Variants in TGFBRAP1 observed in about 807,000 individuals in gnomAD.
TGFBRAP1 encodes transforming growth factor beta receptor associated protein 1, also known as transforming growth factor-beta receptor-associated protein 1.
Under a neutral mutation model 83.2 loss-of-function variants are expected in TGFBRAP1, and 20 were observed. The ratio of observed to expected loss-of-function variants is 0.24; its 90% CI spans 0.17 to 0.35. The LOEUF is 0.35. Among genes scored for constraint, TGFBRAP1 ranks in the 10% least tolerant of loss-of-function variants. TGFBRAP1 has a pLI of 1.00. For synonymous variants in TGFBRAP1, 415 were observed against 459.8 expected (o/e 0.90, Z 1.25); for missense variants, 950 against 1,099.4 (o/e 0.86, Z 1.92).
chr2:105,318,013 C>T (rs1678940079), intron 1 of TGFBRAP1, among the ~76,000 whole-genome samples: 1 of 152,156 alleles, frequency 6.6e-6, no homozygotes, highest in Non-Finnish European at 1.5e-5. Context: ...AATGAGGAGG[C>T]TCCACCATGC....
At chr2:105,302,202 T>C (rs1035078198) in intron 2 of TGFBRAP1, among the ~76,000 whole-genome samples, 4 of 152,234 alleles carry the variant, frequency 2.6e-5, no homozygotes, top group Non-Finnish European at 5.9e-5. Context: ...CAACATCCTC[T>C]GTTGGCAAAG....
Position 105,280,531 on chromosome 2 carries a change from T to A in TGFBRAP1, c.1314A>T (p.Thr438=). 1 of 1,614,208 alleles carries A rather than the reference T, an allele frequency of 6.2e-7. No homozygotes were observed. Among genetic ancestry groups the A allele is most frequent in the African/African-American group, 1.3e-5 (1 of 75,064 alleles). ...CCTCCTTGTAGCCATTTGCTACCTC[T>A]GTGCTGCGGACCTCGTTCAGGTAGC... The part of the protein sequence containing the change: ...LMSYLNEVRS[T]EVANGYKEDI... The change falls in exon 6 of 12, where the codon ACA becomes ACT. Residue 438 remains threonine (T), a synonymous_variant. Transcript: ENST00000393359.
chr2:105,320,852 G>A (rs927149738), intron 1 of TGFBRAP1, among the ~76,000 whole-genome samples: 1 of 152,152 alleles, frequency 6.6e-6, no homozygotes, highest in Non-Finnish European at 1.5e-5. Flanking sequence ...CTTTCCAAAG[G>A]ATTAACACTA....
chr2:105,307,631 G>T lies in TGFBRAP1; in HGVS notation c.671C>A (p.Ala224Glu), dbSNP rs770251473. ...CTCCTCACCCAGCCCTCCGGGGCCC[G>T]CCAGCAGGAACTCCTGTCTCCCTAT... ...KRIGRQEFLLAGPGGLGMFAT... is the reference protein window; with the variant it reads ...KRIGRQEFLLEGPGGLGMFAT... The change falls in exon 2 of 12, where the codon GCG (alanine) becomes GAG (glutamate). Residue 224 changes from alanine (A) to glutamate (E), a missense_variant. Physicochemically the swap from Ala to Glu is moderately radical, Grantham distance 107 (BLOSUM62 -1). Coordinates refer to ENST00000393359, the MANE Select transcript of TGFBRAP1 (RefSeq NM_004257.6). 1.9e-6 allele frequency: 3 copies of T among 1,611,590 alleles called. No individual in the cohort carries two copies. The highest frequency in any genetic ancestry group is 1.1e-5 in the South Asian group (1 of 90,888).
intron 1 of TGFBRAP1, among the ~76,000 whole-genome samples, chr2:105,326,968 G>A (rs934519231): frequency 2.6e-5 from 4 of 152,046 alleles, no homozygotes; most frequent in African/African-American, 7.2e-5. Flanking sequence ...CATTTAGTAG[G>A]TATTTATTTT....
At position 105,269,378 on chromosome 2, in the gene TGFBRAP1, C is replaced by G; in HGVS notation, c.2300G>C (p.Cys767Ser). 1.9e-6 allele frequency: 3 copies of G among 1,614,022 alleles called. No homozygotes were observed. Among genetic ancestry groups the G allele is most frequent in the Non-Finnish European group, 1.7e-6 (2 of 1,180,006 alleles). The change falls in exon 11 of 12, where the codon TGC (cysteine) becomes TCC (serine). Residue 767 changes from cysteine to serine, a missense_variant. Coordinates refer to ENST00000393359, the MANE Select transcript of TGFBRAP1 (RefSeq NM_004257.6). This position sits in a 1 kb window ranked among gnomAD's most constrained non-coding sequence, Gnocchi z 4.1. ...CCTCATGGCCCCCATCAGGAATGGG[C>G]AGAGGAGCTGCACTGACCAGGTGTC... is the stretch of plus-strand genomic sequence containing the variant. Reference protein sequence around the residue: ...LPDTWSVQLLCPFLMGAMRDS... With the variant: ...LPDTWSVQLLSPFLMGAMRDS...
At chr2:105,285,353 ACT>A (rs1398240686) in intron 4 of TGFBRAP1, among the ~76,000 whole-genome samples, 2 of 151,956 alleles carry the variant, frequency 1.3e-5, no homozygotes, top group Non-Finnish European at 2.9e-5. Context: ...TTACTGATCA[ACT>A]CTCTGATCCA....
Position 105,308,059 on chromosome 2 carries a change from C to G in TGFBRAP1, c.243G>C (p.Glu81Asp). Reference protein sequence around the residue: ...RHLGFKKPVNELRAASALNRL... With the variant: ...RHLGFKKPVNDLRAASALNRL... ...TGTTGAGTGCTGAGGCCGCACGCAGCTCGTTCACGGGCTTCTTGAAGCCCA... is the reference window on the plus strand; with the variant it reads ...TGTTGAGTGCTGAGGCCGCACGCAGGTCGTTCACGGGCTTCTTGAAGCCCA... The change falls in exon 2 of 12, where the codon GAG becomes GAC. Residue 81 changes from glutamate to aspartate, a missense_variant. Coordinates refer to ENST00000393359, the MANE Select transcript of TGFBRAP1 (RefSeq NM_004257.6). The G allele has an allele frequency of 6.2e-7, 1 of 1,613,878 alleles. No individual in the cohort carries two copies. Among genetic ancestry groups the G allele is most frequent in the Non-Finnish European group, 8.5e-7 (1 of 1,179,832 alleles).
At chr2:105,255,997 G>A in the TGFBRAP1 span, among the ~76,000 whole-genome samples, 1 of 152,202 alleles carries the variant, frequency 6.6e-6, no homozygotes, top group Admixed American at 6.5e-5. Context: ...CTCCTGATCT[G>A]TTGGCCTCAC....
intron 4 of TGFBRAP1, among the ~76,000 whole-genome samples, chr2:105,285,497 G>C (rs1447134791): frequency 6.6e-6 from 1 of 152,164 alleles, no homozygotes; most frequent in Non-Finnish European, 1.5e-5. Flanking sequence ...TTTAAAACCA[G>C]GCCTTTCTGA....
At chr2:105,277,414 A>C (rs1035984249) in intron 7 of TGFBRAP1, among the ~76,000 whole-genome samples, 200 bp downstream of exon 7, 3 of 152,204 alleles carry the variant, frequency 2.0e-5, no homozygotes, top group African/African-American at 7.2e-5. Flanking sequence ...AAGGAGATGG[A>C]AAGACAATGA....
At chr2:105,307,535 C>T in intron 2 of TGFBRAP1, 79 bp downstream of exon 2, 1 of 1,434,614 alleles carries the variant, frequency 7.0e-7, no homozygotes. Flanking sequence ...CTGCACAGCG[C>T]CAATCTCACT....
chr2:105,318,597 G>T (rs1678958022), intron 1 of TGFBRAP1, among the ~76,000 whole-genome samples: 1 of 152,140 alleles, frequency 6.6e-6, no homozygotes, highest in Non-Finnish European at 1.5e-5. Context: ...AAATTTCATT[G>T]CATGGAAGCA....
intron 1 of TGFBRAP1, among the ~76,000 whole-genome samples, chr2:105,318,299 TGAACACAAATCCGGG>T (rs1678947894): frequency 6.6e-6 from 1 of 152,208 alleles, no homozygotes; most frequent in Non-Finnish European, 1.5e-5. Context: ...AAGGGAATGA[TGAACACAAATCCGGG>T]GAGGATGGGA....
Position 105,280,546 on chromosome 2 carries a change from G to A in TGFBRAP1, c.1299C>T (p.Asn433=), listed in dbSNP as rs2241799. 0.21 allele frequency: 331,125 copies of A among 1,613,980 alleles called. 36,274 individuals carry two copies. The highest frequency in any genetic ancestry group is 0.24 in the South Asian group (22,010 of 91,064). ...TTGCTACCTCTGTGCTGCGGACCTC[G>A]TTCAGGTAGCTCATGAGGAAGCGTT... ...KCKRFLMSYL[N]EVRSTEVANG... Residue 433 remains asparagine (N), a synonymous_variant, in exon 6 of 12, where the codon AAC becomes AAT. Transcript: ENST00000393359.
chr2:105,308,106 T>A lies in TGFBRAP1; in HGVS notation c.196A>T (p.Thr66Ser), dbSNP rs764683664. Residue 66 changes from threonine to serine, a missense_variant, in exon 2 of 12, where the codon ACC (threonine) becomes TCC (serine). Physicochemically the swap from Thr to Ser is moderately conservative, Grantham distance 58. Coordinates refer to ENST00000393359, the MANE Select transcript of TGFBRAP1 (RefSeq NM_004257.6). ...VPAGPATFTA[T>S]KQLQRHLGFK... is the part of the protein sequence containing the mutation. ...CCCAAGTGTCTCTGCAGCTGTTTGG[T>A]GGCAGTGAACGTGGCTGGCCCAGCA... The A allele has an allele frequency of 3.7e-6, 6 of 1,614,136 alleles. No homozygotes were observed.
chr2:105,287,392 AT>A (rs149280522), intron 4 of TGFBRAP1, among the ~76,000 whole-genome samples: 2,720 of 152,314 alleles, frequency 0.018, 89 homozygotes, highest in African/African-American at 0.062. Flanking sequence ...TACAAAAAAA[AT>A]AACTTCTCCA....
chr2:105,251,817 TG>T, the TGFBRAP1 span, among the ~76,000 whole-genome samples: 1 of 150,422 alleles, frequency 6.6e-6, no homozygotes, highest in Admixed American at 6.6e-5. Flanking sequence ...TCTTCTGCCT[TG>T]GGATCCTGTT....
intron 2 of TGFBRAP1, among the ~76,000 whole-genome samples, chr2:105,305,419 C>T (rs138537993): frequency 6.6e-6 from 1 of 152,298 alleles, no homozygotes; most frequent in South Asian, 2.1e-4. Context: ...TGAGCCACCC[C>T]TGGCTGGAAG....
Sources: gnomAD v4.1 joint callset for allele counts (sites outside exome capture counted in the v4.1 genomes callset) on GRCh38, gnomAD v4.1.1 for gene constraint, Gnocchi (gnomAD v3.1) non-coding constraint, MANE v1.5 for transcripts, NCBI Gene and HGNC (gene_info 2026-07-23, HGNC 2026-07-21) for gene names.